PAPPA: variants seen among roughly 807,000 people sequenced by gnomAD.
PAPPA encodes the protein pappalysin-1.
Under a neutral mutation model 164.0 loss-of-function variants are expected in PAPPA, and 60 were observed. The ratio of observed to expected loss-of-function variants is 0.37; its 90% confidence interval spans 0.30 to 0.45. The LOEUF (loss-of-function observed/expected upper bound fraction) is 0.45, where lower values mean the gene tolerates loss of function less well. Ranked by LOEUF, PAPPA falls within the 20% of genes least tolerant of loss-of-function variation. The pLI is 1.00. For synonymous variants in PAPPA, 875 were observed against 814.1 expected (o/e 1.07, Z -1.27); for missense variants, 1,782 against 2,087.3 (o/e 0.85, Z 2.85).
chr9:116,187,124 TA>T lies in PAPPA; in HGVS notation c.416-29del. On this transcript the variant is annotated intron_variant, in intron 1 of 21. Coordinates refer to ENST00000328252, the MANE Select transcript of PAPPA (RefSeq NM_002581.5). The surrounding 1 kb of genome is among the most constrained non-coding windows in gnomAD (Gnocchi z 4.2). ...CCCCCCTCCTTTTCCATCCTTTATT[TA>T]TTCATCTTTCTCTTTTGGGGCCACA... The T allele has an allele frequency of 6.0e-6, 9 of 1,488,248 alleles. No individual in the cohort carries two copies. The highest frequency in any genetic ancestry group is 8.4e-6 in the Non-Finnish European group (9 of 1,071,182). 92.2% of individuals were successfully genotyped at this position (1,488,248 alleles called of 1,614,324 possible). A position where few individuals can be genotyped will look rare whatever the true frequency, so the allele number is the denominator to read the frequency against.
chr9:116,294,801 T>C (rs1036388373), intron 9 of PAPPA, among the ~76,000 whole-genome samples: 11 of 152,232 alleles, frequency 7.2e-5, no homozygotes, highest in African/African-American at 2.7e-4. Flanking sequence ...ACTTTTTTTC[T>C]GGCCTTTAAA....
chr9:116,336,509 T>C (rs139786478), intron 13 of PAPPA, among the ~76,000 whole-genome samples: 48 of 152,338 alleles, frequency 3.2e-4, no homozygotes, highest in Non-Finnish European at 5.6e-4. Flanking sequence ...ACCATGTCAA[T>C]GGAAATCCAC....
Position 116,382,497 on chromosome 9 carries a change from G to A in PAPPA, c.4776+4G>A, listed in dbSNP as rs753821244. 3 of 1,597,214 alleles carry A rather than the reference G, an allele frequency of 1.9e-6. No individual in the cohort carries two copies. The highest frequency in any genetic ancestry group is 2.6e-6 in the Non-Finnish European group (3 of 1,164,622). ...CTCCACAGTGAAGACCAAAAAGGTA[G>A]GCCAGTGTGCACTCCTCGGCAGCTG... is the stretch of plus-strand genomic sequence containing the variant. On this transcript the variant is annotated splice_donor_region_variant and intron_variant, in intron 21 of 21. Coordinates refer to ENST00000328252, the MANE Select transcript of PAPPA (RefSeq NM_002581.5).
rs576671086 is a variant in PAPPA, at chr9:116,281,136, G to A, written c.2953+9720G>A. ...GAGCTGATTTAAAGTACATGGTAGGGTGTGCATAGGTCATATGCAAATACT... is the reference window on the plus strand; with the variant it reads ...GAGCTGATTTAAAGTACATGGTAGGATGTGCATAGGTCATATGCAAATACT... On this transcript the variant is annotated intron_variant, in intron 9 of 21. Coordinates refer to ENST00000328252, the MANE Select transcript of PAPPA (RefSeq NM_002581.5). Among the ~76,000 whole-genome samples, 7 of 152,320 alleles carry A rather than the reference G, an allele frequency of 4.6e-5. No individual in the cohort carries two copies. In the South Asian group the frequency reaches 1.4e-3, roughly 32 times the overall value.
At chr9:116,333,560 A>G (rs1488569630) in intron 12 of PAPPA, among the ~76,000 whole-genome samples, 1 of 152,176 alleles carries the variant, frequency 6.6e-6, no homozygotes, top group Admixed American at 6.5e-5. Context: ...GGGTCATTTC[A>G]GGGTCAGATA....
intron 4 of PAPPA, among the ~76,000 whole-genome samples, chr9:116,212,181 GT>G (rs1844316510): frequency 6.6e-6 from 1 of 152,132 alleles, no homozygotes; most frequent in South Asian, 2.1e-4. Flanking sequence ...TAAGCTAGTG[GT>G]TGTTGAACCT....
At chr9:116,230,723 T>C (rs1844580618) in intron 6 of PAPPA, among the ~76,000 whole-genome samples, 1 of 152,206 alleles carries the variant, frequency 6.6e-6, no homozygotes, top group South Asian at 2.1e-4. Flanking sequence ...CCTTTGTTCA[T>C]AGACAGTGGT....
intron 10 of PAPPA, among the ~76,000 whole-genome samples, chr9:116,312,227 T>G (rs1845726565): frequency 6.6e-6 from 1 of 152,152 alleles, no homozygotes; most frequent in Non-Finnish European, 1.5e-5. Context: ...TGTCATTTGT[T>G]CTGGCTCCCT....
chr9:116,380,167 A>C (rs1446262802), intron 20 of PAPPA, among the ~76,000 whole-genome samples: 1 of 152,210 alleles, frequency 6.6e-6, no homozygotes, highest in African/African-American at 2.4e-5. Context: ...CTGTCTCTTC[A>C]CCAGAGTATA....
At chr9:116,379,844 GGTTT>G (rs1487886546) in intron 20 of PAPPA, among the ~76,000 whole-genome samples, 1 of 152,122 alleles carries the variant, frequency 6.6e-6, no homozygotes, top group Non-Finnish European at 1.5e-5. Context: ...CTTGAAGGAT[GGTTT>G]GTTTGTCTGA....
At position 116,302,814 on chromosome 9, in the gene PAPPA, A is replaced by G. The variant is rs748568546; in HGVS notation, c.3011A>G (p.Gln1004Arg). The change falls in exon 10 of 22, where the codon CAA becomes CGA. Residue 1004 changes from glutamine (Q) to arginine (R), a missense_variant. By Grantham distance (43) the Gln-to-Arg change is conservative. Around this residue, in one of 2 missense-constraint regions of PAPPA, gnomAD observed 1,324 missense variants for 1,656.9 expected, o/e 0.80. Transcript: ENST00000328252. The stretch of plus-strand genomic sequence containing the variant: ...GATGGGGTATGTGAGGAGTTTGAAC[A>G]AAAAACCAGCATTAAGGACTGTGGT... ...DGDGVCEEFEQKTSIKDCGVY... is the reference protein window; with the variant it reads ...DGDGVCEEFERKTSIKDCGVY... The G allele has an allele frequency of 1.2e-6, 2 of 1,614,020 alleles. No individual in the cohort carries two copies. The highest frequency in any genetic ancestry group is 1.7e-6 in the Non-Finnish European group (2 of 1,179,936).
intron 9 of PAPPA, among the ~76,000 whole-genome samples, chr9:116,300,337 G>C (rs1845565115): frequency 6.6e-6 from 1 of 151,746 alleles, no homozygotes; most frequent in Admixed American, 6.6e-5. Flanking sequence ...GAGTGCAGTG[G>C]TGTGATCACT....
chr9:116,194,907 T>G (rs1178603853), intron 2 of PAPPA, among the ~76,000 whole-genome samples: 2 of 152,318 alleles, frequency 1.3e-5, no homozygotes, highest in East Asian at 3.9e-4. Flanking sequence ...CTCAAAATAT[T>G]AACTTTTTTT....
intron 2 of PAPPA, among the ~76,000 whole-genome samples, chr9:116,196,710 T>A (rs1844107565): frequency 6.6e-6 from 1 of 152,198 alleles, no homozygotes; most frequent in Non-Finnish European, 1.5e-5. Context: ...GCTCGTGTTT[T>A]CCCATTTTTC....
chr9:116,296,184 A>G (rs1231367548), intron 9 of PAPPA, among the ~76,000 whole-genome samples: 1 of 152,222 alleles, frequency 6.6e-6, no homozygotes, highest in Non-Finnish European at 1.5e-5. Flanking sequence ...TTTTATAGTG[A>G]AGCTGATAAA....
intron 9 of PAPPA, among the ~76,000 whole-genome samples, chr9:116,276,963 T>C (rs941104142): frequency 6.6e-6 from 1 of 152,020 alleles, no homozygotes; most frequent in Admixed American, 6.5e-5. Flanking sequence ...TCTGGCCTGC[T>C]CTGAGCCAAG....
At chr9:116,254,207 A>G (rs1188591669) in intron 7 of PAPPA, among the ~76,000 whole-genome samples, 1 of 152,186 alleles carries the variant, frequency 6.6e-6, no homozygotes, top group African/African-American at 2.4e-5. Context: ...CCATCCAATG[A>G]GCATCCTAAA....
At chr9:116,244,897 A>G (rs1844778362) in intron 7 of PAPPA, among the ~76,000 whole-genome samples, 1 of 152,204 alleles carries the variant, frequency 6.6e-6, no homozygotes, top group South Asian at 2.1e-4. Context: ...TTGCAAAGAT[A>G]TGGAATCAAC....
intron 7 of PAPPA, among the ~76,000 whole-genome samples, chr9:116,241,359 G>T (rs1314942031): frequency 6.6e-6 from 1 of 152,192 alleles, no homozygotes; most frequent in Non-Finnish European, 1.5e-5. Flanking sequence ...AGTTGGAAAA[G>T]ATTTAGTGAT....
Sources: gnomAD v4.1 joint callset for allele counts (sites outside exome capture counted in the v4.1 genomes callset) on GRCh38, gnomAD v4.1.1 for gene constraint, gnomAD v4.1.1 regional missense constraint, Gnocchi (gnomAD v3.1) non-coding constraint, MANE v1.5 for transcripts, NCBI Gene and HGNC (gene_info 2026-07-23, HGNC 2026-07-21) for gene names.